CFAP299: variants seen among roughly 807,000 people sequenced by gnomAD.
CFAP299 encodes the protein cilia- and flagella-associated protein 299.
In CFAP299, 21 loss-of-function variants were observed where a neutral mutation model predicts 27.0. The ratio of observed to expected loss-of-function variants is 0.78; its 90% CI spans 0.55 to 1.12. CFAP299 has a LOEUF of 1.12. Among genes scored for constraint, CFAP299 ranks in the 50% most tolerant of loss-of-function variants. The pLI is 0.00. For synonymous variants in CFAP299, 104 were observed against 98.1 expected, an observed-to-expected ratio of 1.06 and a Z score of -0.36; for missense variants, 310 against 276.6, an observed-to-expected ratio of 1.12 and a Z score of -0.86.
chr4:80,374,691 G>T (rs1353394826), intron 2 of CFAP299, among the ~76,000 whole-genome samples: 2 of 152,078 alleles, frequency 1.3e-5, no homozygotes, highest in Non-Finnish European at 2.9e-5. Flanking sequence ...CATTCACTGT[G>T]ACTGTCAAAT....
chr4:80,623,442 C>T (rs1450692750), intron 3 of CFAP299, among the ~76,000 whole-genome samples: 2 of 152,096 alleles, frequency 1.3e-5, no homozygotes, highest in South Asian at 2.1e-4. Context: ...GGGTGGAACA[C>T]GATGGCAAAG....
chr4:80,347,399 A>G (rs1722786830), intron 1 of CFAP299, among the ~76,000 whole-genome samples: 1 of 152,006 alleles, frequency 6.6e-6, no homozygotes, highest in South Asian at 2.1e-4. Flanking sequence ...AGTACAGCCC[A>G]CAGTTTCTTA....
chr4:80,620,831 C>A (rs1195395408), intron 3 of CFAP299, among the ~76,000 whole-genome samples: 2 of 152,054 alleles, frequency 1.3e-5, no homozygotes, highest in Non-Finnish European at 2.9e-5. Flanking sequence ...GGCAATTTAA[C>A]CTCTATAAGA....
chr4:80,877,710 A>T (rs1468013466), intron 4 of CFAP299, among the ~76,000 whole-genome samples: 1 of 152,192 alleles, frequency 6.6e-6, no homozygotes, highest in African/African-American at 2.4e-5. Flanking sequence ...AACCGTTTAA[A>T]GTGTACAGTT....
intron 3 of CFAP299, among the ~76,000 whole-genome samples, chr4:80,693,044 A>T (rs1177786685): frequency 6.6e-6 from 1 of 152,274 alleles, no homozygotes; most frequent in Non-Finnish European, 1.5e-5. Context: ...AAGTCAGGAA[A>T]CAACAGGTGC....
rs949142832 is a variant in CFAP299 at position 80,902,607 on chromosome 4, A to ACACACC, written c.476+32477_476+32478insCCACAC. ...TATATACACACACACACACACACAC[A>ACACACC]CACACACACACACACACACTTTGGT... On this transcript the variant is annotated intron_variant, in intron 4 of 5. Coordinates refer to ENST00000358105, the MANE Select transcript of CFAP299 (RefSeq NM_152770.3). Among the ~76,000 whole-genome samples, 6 of 148,676 alleles carry ACACACC rather than the reference A, an allele frequency of 4.0e-5. No homozygotes were observed. The East Asian group carries it at 1.2e-3, about 29-fold the overall frequency.
chr4:80,765,304 C>T (rs553021146), intron 3 of CFAP299, among the ~76,000 whole-genome samples: 2 of 152,190 alleles, frequency 1.3e-5, no homozygotes, highest in Admixed American at 1.3e-4. Flanking sequence ...GAAACAGTCT[C>T]AGGAAGTTGG....
chr4:80,466,344 A>AT (rs982407259), intron 2 of CFAP299, among the ~76,000 whole-genome samples: 19 of 152,212 alleles, frequency 1.2e-4, no homozygotes. Context: ...TTGTTACTTT[A>AT]TTTTAACCCA....
chr4:80,574,800 G>A (rs559042616), intron 2 of CFAP299, among the ~76,000 whole-genome samples: 1 of 152,066 alleles, frequency 6.6e-6, no homozygotes, highest in African/African-American at 2.4e-5. Flanking sequence ...TGAATCCCTG[G>A]GATAAGTTCC....
At chr4:80,559,979 C>G (rs75242202) in intron 2 of CFAP299, among the ~76,000 whole-genome samples, 3 of 152,160 alleles carry the variant, frequency 2.0e-5, no homozygotes, top group African/African-American at 7.2e-5. Context: ...ACATAACATA[C>G]TGAGACACCA....
Position 80,613,024 on chromosome 4 carries a change from T to G in CFAP299, c.333+29841T>G, listed in dbSNP as rs1297932577. Among the ~76,000 whole-genome samples, 4 of 152,128 alleles carry G rather than the reference T, an allele frequency of 2.6e-5. No homozygotes were observed. In the East Asian group the frequency reaches 7.7e-4, roughly 29 times the overall value. ...GGACATGTTATGAGGCTCTTTCATA[T>G]GCATTTACACATTTGATTCCCCATA... On this transcript the variant is annotated intron_variant, in intron 3 of 5. Transcript: ENST00000358105.
intron 3 of CFAP299, among the ~76,000 whole-genome samples, chr4:80,684,865 CTGTT>C (rs1394671012): frequency 6.6e-6 from 1 of 151,872 alleles, no homozygotes; most frequent in Non-Finnish European, 1.5e-5. Context: ...TGATGTATCT[CTGTT>C]TGTTAAGCCC....
rs142981586 is a variant in CFAP299 at position 80,846,450 on chromosome 4, A to T, written c.334-23543A>T. Among the ~76,000 whole-genome samples, 382 of 152,272 alleles carry T rather than the reference A, an allele frequency of 2.5e-3. 5 individuals carry two copies. Among genetic ancestry groups the T allele is most frequent in the African/African-American group, 8.5e-3 (354 of 41,572 alleles). On this transcript the variant is annotated intron_variant, in intron 3 of 5. Transcript: ENST00000358105. Reference sequence around the variant, plus strand: ...ATAGTCTCTCATTAGGTATCCTTGAATGAGTCCCTCTAAGGCATAGTATGA... The same window carrying T: ...ATAGTCTCTCATTAGGTATCCTTGATTGAGTCCCTCTAAGGCATAGTATGA...
intron 3 of CFAP299, among the ~76,000 whole-genome samples, chr4:80,718,046 G>A (rs566299487): frequency 6.6e-6 from 1 of 152,028 alleles, no homozygotes; most frequent in South Asian, 2.1e-4. Flanking sequence ...CTTGAAACCA[G>A]AGTATTTATA....
At chr4:80,739,358 T>C (rs752056208) in intron 3 of CFAP299, among the ~76,000 whole-genome samples, 14 of 152,200 alleles carry the variant, frequency 9.2e-5, no homozygotes, top group Non-Finnish European at 1.9e-4. Flanking sequence ...CTGGTATTGA[T>C]GAAATCCCTC....
intron 2 of CFAP299, among the ~76,000 whole-genome samples, chr4:80,473,246 G>A (rs1258463278): frequency 6.6e-6 from 1 of 152,084 alleles, no homozygotes; most frequent in African/African-American, 2.4e-5. Context: ...CAGATGAGTA[G>A]CGATCAGCCA....
chr4:80,604,904 A>AAAC (rs1553938994), intron 3 of CFAP299, among the ~76,000 whole-genome samples: 5 of 151,506 alleles, frequency 3.3e-5, no homozygotes, highest in Admixed American at 1.3e-4. Context: ...AAAAAAAAAA[A>AAAC]CATGTAATCC....
At chr4:80,908,318 A>G (rs934384192) in intron 4 of CFAP299, among the ~76,000 whole-genome samples, 2 of 152,244 alleles carry the variant, frequency 1.3e-5, no homozygotes, top group Non-Finnish European at 1.5e-5. Context: ...GCCACAGAAT[A>G]CAAAGTCTGT....
intron 2 of CFAP299, among the ~76,000 whole-genome samples, chr4:80,494,059 G>C (rs959577649): frequency 6.6e-6 from 1 of 152,114 alleles, no homozygotes; most frequent in Non-Finnish European, 1.5e-5. Context: ...ACAGGCGTGA[G>C]CCACCGCGCC....
Sources: allele counts gnomAD v4.1 joint callset (sites outside exome capture counted in the v4.1 genomes callset), GRCh38; gene constraint gnomAD v4.1.1; transcripts MANE v1.5; gene names NCBI Gene and HGNC (gene_info 2026-07-23, HGNC 2026-07-21).